The following SYNPR variants were observed in gnomAD, a reference collection of about 807,000 sequenced individuals.
SYNPR encodes synaptoporin.
Under a neutral mutation model 32.9 loss-of-function variants are expected in SYNPR, and 23 were observed. That is an observed-to-expected ratio of 0.70 (90% CI 0.50 to 0.99). The LOEUF (loss-of-function observed/expected upper bound fraction) is 0.99, where lower values mean the gene tolerates loss of function less well. Ranked by LOEUF, SYNPR falls within the 50% of genes least tolerant of loss-of-function variation. The pLI is 0.00. For synonymous variants in SYNPR, 146 were observed against 135.9 expected (o/e 1.07, Z -0.52); for missense variants, 318 against 349.3 (o/e 0.91, Z 0.71).
intron 4 of SYNPR, among the ~76,000 whole-genome samples, chr3:63,598,718 C>T (rs1699996360): frequency 6.6e-6 from 1 of 152,076 alleles, no homozygotes; most frequent in Non-Finnish European, 1.5e-5. Flanking sequence ...AAAGTATGAG[C>T]ACCTTTTGGA....
chr3:63,468,154 G>A (rs138333382), intron 2 of SYNPR, among the ~76,000 whole-genome samples: 2,481 of 142,352 alleles, frequency 0.017, 69 homozygotes, highest in East Asian at 0.14. Flanking sequence ...AGATGGTGCC[G>A]TTGCACTCCA....
At chr3:63,580,547 C>G (rs9833581) in intron 4 of SYNPR, among the ~76,000 whole-genome samples, 17,492 of 151,816 alleles carry the variant, frequency 0.12, 1,071 homozygotes, top group Non-Finnish European at 0.14. Flanking sequence ...GAAGCATTAA[C>G]CTAATATGAA....
At chr3:63,252,023 CATGGT>C (rs1164416787) in intron 1 of SYNPR, among the ~76,000 whole-genome samples, 1 of 151,398 alleles carries the variant, frequency 6.6e-6, no homozygotes, top group Admixed American at 6.6e-5. Flanking sequence ...CATAATACTC[CATGGT>C]ATGGGGGTAC....
intron 2 of SYNPR, among the ~76,000 whole-genome samples, chr3:63,265,376 C>G (rs2086476982): frequency 6.6e-6 from 1 of 151,480 alleles, no homozygotes; most frequent in Non-Finnish European, 1.5e-5. Context: ...CTCAGCCTCC[C>G]GAGTGGCTGA....
chr3:63,384,692 C>T (rs771500733), intron 2 of SYNPR, among the ~76,000 whole-genome samples: 1 of 152,170 alleles, frequency 6.6e-6, no homozygotes, highest in Non-Finnish European at 1.5e-5. Context: ...TTTTAGCAGA[C>T]ATTTATGGAG....
At chr3:63,615,089 A>G in intron 5 of SYNPR, 135 bp from the exon 6 acceptor site, 1 of 1,105,300 alleles carries the variant, frequency 9.0e-7, no homozygotes, top group Non-Finnish European at 1.3e-6. Flanking sequence ...ACCGGTTCCA[A>G]ATGGAAAACT....
At chr3:63,222,011 A>ATTTTTTTTTTTTTTTTTTTTTTTT in the SYNPR span, among the ~76,000 whole-genome samples, 325 of 56,382 alleles carry the variant, frequency 5.8e-3, 47 homozygotes, top group Non-Finnish European at 7.0e-3. Context: ...GCCATGCTCA[A>ATTTTTTTTTTTTTTTTTTTTTTTT]TTTTTTTTTT....
intron 4 of SYNPR, among the ~76,000 whole-genome samples, chr3:63,595,237 A>G (rs1299369212): frequency 6.6e-6 from 1 of 152,122 alleles, no homozygotes; most frequent in East Asian, 1.9e-4. Flanking sequence ...GGAGCTGGCC[A>G]TTTGCACATG....
At chr3:63,391,965 C>T (rs2088143699) in intron 2 of SYNPR, among the ~76,000 whole-genome samples, 1 of 152,130 alleles carries the variant, frequency 6.6e-6, no homozygotes, top group Non-Finnish European at 1.5e-5. Flanking sequence ...TCCCATTGCC[C>T]CTTCCTAAGC....
intron 1 of SYNPR, among the ~76,000 whole-genome samples, chr3:63,241,677 G>A (rs1316984951): frequency 6.6e-6 from 1 of 152,040 alleles, no homozygotes; most frequent in African/African-American, 2.4e-5. Context: ...TAAGAGGAAA[G>A]CTAAGAGATT....
intron 2 of SYNPR, among the ~76,000 whole-genome samples, chr3:63,286,775 C>G (rs1161040508): frequency 1.3e-5 from 2 of 152,154 alleles, no homozygotes; most frequent in Admixed American, 6.5e-5. Flanking sequence ...AGTTTCCTAA[C>G]CTGAAAACTG....
At chr3:63,595,165 CA>C (rs1699911981) in intron 4 of SYNPR, among the ~76,000 whole-genome samples, 1 of 152,154 alleles carries the variant, frequency 6.6e-6, no homozygotes, top group Non-Finnish European at 1.5e-5. Context: ...ATCAAAAAGA[CA>C]AACAGGGTGG....
intron 2 of SYNPR, among the ~76,000 whole-genome samples, chr3:63,419,432 A>T (rs1389024774): frequency 6.6e-6 from 1 of 152,222 alleles, no homozygotes; most frequent in African/African-American, 2.4e-5. Context: ...AAAGAAGCTG[A>T]ACTGGAAGTT....
intron 2 of SYNPR, among the ~76,000 whole-genome samples, chr3:63,397,103 CAAAAA>C (rs10601486): frequency 3.0e-5 from 3 of 99,208 alleles, no homozygotes; most frequent in Non-Finnish European, 6.0e-5. Flanking sequence ...GACTCCGTCT[CAAAAA>C]AAAAAAAAAA....
At chr3:63,322,614 T>C (rs541785030) in intron 2 of SYNPR, among the ~76,000 whole-genome samples, 2 of 152,208 alleles carry the variant, frequency 1.3e-5, no homozygotes, top group East Asian at 1.9e-4. Flanking sequence ...ATGCTCACAA[T>C]GATTCTGTGA....
chr3:63,205,783 G>A, the SYNPR span, among the ~76,000 whole-genome samples: 1 of 152,174 alleles, frequency 6.6e-6, no homozygotes, highest in Non-Finnish European at 1.5e-5. Flanking sequence ...CCTGCTGATA[G>A]GAGTATGCAA....
At chr3:63,287,805 G>A (rs1384635051) in intron 2 of SYNPR, among the ~76,000 whole-genome samples, 1 of 152,174 alleles carries the variant, frequency 6.6e-6, no homozygotes, top group Non-Finnish European at 1.5e-5. Context: ...GGTTATGGAG[G>A]AGAGTAAGTC....
At chr3:63,517,407 A>G (rs1439012216) in intron 3 of SYNPR, among the ~76,000 whole-genome samples, 1 of 152,136 alleles carries the variant, frequency 6.6e-6, no homozygotes, top group African/African-American at 2.4e-5. Flanking sequence ...TACTTTAAGA[A>G]GTAGAGAACA....
At chr3:63,604,358 G>A (rs28555359) in intron 4 of SYNPR, among the ~76,000 whole-genome samples, 94,504 of 151,964 alleles carry the variant, frequency 0.62, 29,582 homozygotes, top group African/African-American at 0.68. Context: ...TTCAGCTCTG[G>A]TTTGGATTAT....
Sources: gnomAD v4.1 joint callset for allele counts (sites outside exome capture counted in the v4.1 genomes callset) on GRCh38, gnomAD v4.1.1 for gene constraint, MANE v1.5 for transcripts, NCBI Gene and HGNC (gene_info 2026-07-23, HGNC 2026-07-21) for gene names.